Variants in C3 observed in about 807,000 individuals in gnomAD.
C3 encodes complement C3.
A neutral mutation model predicts 207.9 loss-of-function variants in C3; 97 were observed. The observed-to-expected ratio is 0.47, with a 90% CI of 0.40 to 0.55. C3 has a LOEUF of 0.55. C3 is among the 20% of genes least tolerant of loss of function. The pLI is 0.00. For synonymous variants in C3, 848 were observed against 857.6 expected (o/e 0.99, Z 0.20); for missense variants, 1,684 against 2,171.7 (o/e 0.78, Z 4.46).
At chr19:6,710,538 A>G (rs1967895550) in intron 13 of C3, 101 bp downstream of exon 13, 2 of 893,122 alleles carry the variant, frequency 2.2e-6, no homozygotes, top group Non-Finnish European at 3.6e-6. Context: ...GGAGAGAGAA[A>G]AGGAGAAAGG....
At chr19:6,688,443 T>C (rs892050626) in intron 27 of C3, among the ~76,000 whole-genome samples, 1 of 152,170 alleles carries the variant, frequency 6.6e-6, no homozygotes, top group African/African-American at 2.4e-5. Context: ...ATTTAGTTTT[T>C]AATAATAATT....
At chr19:6,720,282 G>T (rs903098067) in intron 1 of C3, among the ~76,000 whole-genome samples, 1 of 152,006 alleles carries the variant, frequency 6.6e-6, no homozygotes, top group Non-Finnish European at 1.5e-5. Context: ...CAAACTCACA[G>T]GCAGCCCAAA....
intron 11 of C3, among the ~76,000 whole-genome samples, chr19:6,711,500 A>G (rs1356830052): frequency 6.6e-6 from 1 of 152,142 alleles, no homozygotes; most frequent in South Asian, 2.1e-4. Context: ...CCAGGCCTTT[A>G]GGGTGCCCTG....
chr19:6,692,859 C>T lies in C3; in HGVS notation c.3390+65G>A, dbSNP rs1216346763. 3.8e-6 allele frequency: 6 copies of T among 1,573,836 alleles called. No individual in the cohort carries two copies. In the African/African-American group the frequency reaches 4.0e-5, roughly 11 times the overall value. On this transcript the variant is annotated intron_variant, in intron 26 of 40. Transcript: ENST00000245907. ...GGCACATGGAGGTGGGGCTCTCTCT[C>T]GTGTTCATCCTGCGAGACTCAGGAG... is the stretch of plus-strand genomic sequence containing the variant.
intron 17 of C3, among the ~76,000 whole-genome samples, chr19:6,703,926 G>A (rs952660701): frequency 6.6e-6 from 1 of 151,216 alleles, no homozygotes; most frequent in South Asian, 2.1e-4. Flanking sequence ...CCAGCCTGGC[G>A]ACAGAGCGAG....
At chr19:6,689,323 A>C (rs113355813) in intron 27 of C3, among the ~76,000 whole-genome samples, 1,127 of 30,708 alleles carry the variant, frequency 0.037, 4 homozygotes, top group African/African-American at 0.042. Context: ...CTCTCTCTCT[A>C]CCTACCTCCC....
chr19:6,718,946 G>T, intron 2 of C3, among the ~76,000 whole-genome samples: 1 of 133,796 alleles, frequency 7.5e-6, no homozygotes, highest in Non-Finnish European at 1.6e-5. Context: ...TCTCAGGGAA[G>T]GTCAGGGCTT....
At chr19:6,689,327 A>ATCTCTCTCTCTCTCTCTCTCTCTCCCTC (rs1918097354) in intron 27 of C3, among the ~76,000 whole-genome samples, 3 of 49,724 alleles carry the variant, frequency 6.0e-5, no homozygotes, top group African/African-American at 3.3e-4. Flanking sequence ...CTCTCTACCT[A>ATCTCTCTCTCTCTCTCTCTCTCTCCCTC]CCTCCCTCCC....
In C3 at chr19:6,707,525, G is replaced by C. The variant is rs112187261; in HGVS notation, c.1988C>G (p.Pro663Arg). ...ACGGCGTCGGCGGGCGGCTGGCTGC[G>C]GGCACTGAAGTTCTGCAGGGCAGGC... The part of the protein sequence containing the change: ...QTAQRAELQC[P>R]QPAARRRRSV... Residue 663 changes from proline (P) to arginine (R), a missense_variant, in exon 16 of 41, where the codon CCG becomes CGG. By Grantham distance (103) the Pro-to-Arg change is moderately radical. This residue lies in a region of C3 where 1,280 missense variants were observed against 1,739.1 expected (regional missense o/e 0.74). Transcript: ENST00000245907. 1.2e-4 allele frequency: 196 copies of C among 1,613,854 alleles called. No homozygotes were observed. Among genetic ancestry groups the C allele is most frequent in the Non-Finnish European group, 1.6e-4 (183 of 1,179,950 alleles).
intron 19 of C3, among the ~76,000 whole-genome samples, chr19:6,699,097 G>A (rs1319245984): frequency 6.6e-6 from 1 of 152,032 alleles, no homozygotes; most frequent in African/African-American, 2.4e-5. Context: ...TGCCCGACCT[G>A]AGTTGTACAT....
intron 15 of C3, 57 bp downstream of exon 15, chr19:6,707,743 C>T: frequency 6.2e-7 from 1 of 1,605,942 alleles, no homozygotes; most frequent in Non-Finnish European, 8.5e-7. Flanking sequence ...CTGCTCCCAG[C>T]ATCTGGGAGG....
At chr19:6,692,814 G>T in intron 26 of C3, 110 bp downstream of exon 26, 2 of 1,352,532 alleles carry the variant, frequency 1.5e-6, no homozygotes, top group Non-Finnish European at 2.1e-6. Flanking sequence ...CCCAATCTTT[G>T]CAAAGGGAAT....
chr19:6,712,348 C>A lies in C3; in HGVS notation c.1178G>T (p.Gly393Val). Residue 393 changes from glycine to valine, a missense_variant, in exon 11 of 41, where the codon GGC (glycine) becomes GTC (valine). Physicochemically the swap from Gly to Val is moderately radical, Grantham distance 109. This residue lies in a region of C3 where 1,280 missense variants were observed against 1,739.1 expected (regional missense o/e 0.74). Transcript: ENST00000245907. ...GGTTAGAGACTGCACAGTGTCCTCG[C>A]CCTGGACTGCCACGGGGACTCGGTA... is the stretch of plus-strand genomic sequence containing the variant. ...PAYRVPVAVQ[G>V]EDTVQSLTQG... 1 of 1,614,134 alleles carries A rather than the reference C, an allele frequency of 6.2e-7. No homozygotes were observed. The highest frequency in any genetic ancestry group is 8.5e-7 in the Non-Finnish European group (1 of 1,180,014).
In C3 at chr19:6,718,076, GC is replaced by G. The variant is rs1378902876; in HGVS notation, c.504+17del. The G allele has an allele frequency of 3.1e-6, 5 of 1,613,282 alleles. No individual in the cohort carries two copies. In the South Asian group the frequency reaches 4.4e-5, roughly 14 times the overall value. On this transcript the variant is annotated intron_variant, in intron 4 of 40. Coordinates refer to ENST00000245907, the MANE Select transcript of C3 (RefSeq NM_000064.4). Reference sequence around the variant, plus strand: ...AGCCTGTGCCCCTGCTTCCCCTGGGGCCCCCTCTGGCTGGCACCTCAATGTT... The same window carrying G: ...AGCCTGTGCCCCTGCTTCCCCTGGGGCCCCTCTGGCTGGCACCTCAATGTT...
chr19:6,687,491 A>G (rs537627974), intron 27 of C3, among the ~76,000 whole-genome samples: 1 of 152,296 alleles, frequency 6.6e-6, no homozygotes, highest in East Asian at 1.9e-4. Flanking sequence ...TAATTTTGCA[A>G]AGACCACCTA....
rs1918022024 is a variant in C3, at chr19:6,686,870, G to A, written c.3522C>T (p.Asp1174=). 6.2e-7 allele frequency: 1 copy of A among 1,614,216 alleles called. No homozygotes were observed. Among genetic ancestry groups the A allele is most frequent in the East Asian group, 2.2e-5 (1 of 44,890 alleles). Residue 1174 remains aspartate (D), a synonymous_variant, in exon 28 of 41, where the codon GAC becomes GAT. Transcript: ENST00000245907. ...SLPGSITKAG[D]FLEANYMNLQ... is the part of the protein sequence containing the mutation. ...GGTTCATGTAGTTGGCTTCAAGGAA[G>A]TCTCCTGCTTTAGTGATGCTGCCTG...
intron 14 of C3, 77 bp from the exon 15 acceptor site, chr19:6,708,006 A>G: frequency 1.3e-6 from 2 of 1,570,044 alleles, no homozygotes; most frequent in Admixed American, 1.7e-5. Context: ...GCACCTGTGT[A>G]TCTCTTCCCA....
chr19:6,697,041 C>CAAAAAAAAAAAAAAAAAAAAAAA (rs200094017), intron 21 of C3, among the ~76,000 whole-genome samples: 17 of 71,198 alleles, frequency 2.4e-4, no homozygotes, highest in South Asian at 1.0e-3. Context: ...GACTCTGTCT[C>CAAAAAAAAAAAAAAAAAAAAAAA]AAAAAAATAA....
Position 6,685,116 on chromosome 19 carries a change from G to A in C3, c.3841C>T (p.Gln1281Ter). Residue 1281 changes from glutamine to a stop codon, truncating the protein, a stop_gained, in exon 30 of 41, where the codon CAA (glutamine) becomes TAA (stop). Coordinates refer to ENST00000245907, the MANE Select transcript of C3 (RefSeq NM_000064.4). LOFTEE classifies it high-confidence loss of function. ...TGGTCAGGGGCGTCCTTTTGGTATT[G>A]AGCCAAGGCTTGGAACACCATGAAG... ...ATFMVFQALA[Q>*]YQKDAPDHQE... 6.2e-7 allele frequency: 1 copy of A among 1,614,004 alleles called. No homozygotes were observed. Among genetic ancestry groups the A allele is most frequent in the Non-Finnish European group, 8.5e-7 (1 of 1,179,950 alleles).
Sources: gnomAD v4.1 joint callset for allele counts (sites outside exome capture counted in the v4.1 genomes callset) on GRCh38, gnomAD v4.1.1 for gene constraint, gnomAD v4.1.1 regional missense constraint, MANE v1.5 for transcripts, NCBI Gene and HGNC (gene_info 2026-07-23, HGNC 2026-07-21) for gene names.